Variants in ITGAE observed in about 807,000 individuals in gnomAD.
ITGAE encodes the protein integrin subunit alpha E, also known as integrin alpha-E.
A neutral mutation model predicts 136.5 loss-of-function variants in ITGAE; 99 were observed. The ratio of observed to expected loss-of-function variants is 0.73; its 90% CI spans 0.62 to 0.86. The LOEUF (loss-of-function observed/expected upper bound fraction) is 0.86. Among genes scored for constraint, ITGAE ranks in the 40% least tolerant of loss-of-function variants. The pLI, the probability that ITGAE is intolerant of heterozygous loss-of-function variation, is 0.00. For missense variants in ITGAE, 1,447 were observed against 1,515.3 expected (o/e 0.95, Z 0.75); for synonymous variants, 613 against 591.8 (o/e 1.04, Z -0.52).
At chr17:3,796,108 CCT>C (rs1567565603) in intron 1 of ITGAE, among the ~76,000 whole-genome samples, 8 of 25,066 alleles carry the variant, frequency 3.2e-4, no homozygotes, top group African/African-American at 9.6e-4. Context: ...TGTGTGCATC[CCT>C]GTGTGCATCC....
In ITGAE at chr17:3,753,956, A is replaced by G. The variant is rs774529890; in HGVS notation, c.1385-31T>C. On this transcript the variant is annotated intron_variant, in intron 12 of 30. Transcript: ENST00000263087. ...GCAAGGGTGGTGTGGCTGTGAACAC[A>G]CCGTGTGCTCCCACCTGGCCTCTCT... 8 of 1,604,178 alleles carry G rather than the reference A, an allele frequency of 5.0e-6. No homozygotes were observed. In the South Asian group the frequency reaches 8.8e-5, roughly 18 times the overall value.
intron 2 of ITGAE, among the ~76,000 whole-genome samples, chr17:3,773,363 C>G (rs144474296): frequency 2.6e-5 from 4 of 151,998 alleles, no homozygotes; most frequent in African/African-American, 9.7e-5. Flanking sequence ...TGGTGGCAGG[C>G]GCCTGTAATC....
intron 1 of ITGAE, among the ~76,000 whole-genome samples, chr17:3,800,012 G>A (rs752334032): frequency 1.3e-5 from 2 of 152,118 alleles, no homozygotes; most frequent in Non-Finnish European, 2.9e-5. Flanking sequence ...CCAGCTACTC[G>A]GGAGGCTGAG....
chr17:3,730,774 C>T (rs1567517158), intron 23 of ITGAE, among the ~76,000 whole-genome samples: 1 of 152,176 alleles, frequency 6.6e-6, no homozygotes, highest in Non-Finnish European at 1.5e-5. Context: ...CGTTCCCCAC[C>T]TTACCCCCCA....
intron 26 of ITGAE, chr17:3,726,320 T>A: frequency 6.2e-7 from 1 of 1,609,788 alleles, no homozygotes; most frequent in East Asian, 2.2e-5. Flanking sequence ...GCCAGCACAG[T>A]CTGTTTAAGT....
intron 29 of ITGAE, chr17:3,717,227 C>T (rs1338453108): frequency 6.2e-6 from 1 of 162,150 alleles, no homozygotes; most frequent in African/African-American, 2.4e-5. Flanking sequence ...TCCTTTCCAA[C>T]TCCGTTCTGA....
At chr17:3,797,217 G>C (rs936078521) in intron 1 of ITGAE, among the ~76,000 whole-genome samples, 7 of 141,530 alleles carry the variant, frequency 4.9e-5, no homozygotes, top group African/African-American at 1.6e-4. Flanking sequence ...CCAGGCTGGA[G>C]TGCAGTGGCG....
intron 30 of ITGAE, 24 bp downstream of exon 30, chr17:3,716,664 T>C: frequency 7.4e-7 from 1 of 1,355,900 alleles, no homozygotes; most frequent in Non-Finnish European, 1.1e-6. Flanking sequence ...CTTCCCTCAC[T>C]GTGATGCCAT....
At chr17:3,792,249 G>A (rs1403762406) in intron 1 of ITGAE, among the ~76,000 whole-genome samples, 1 of 152,126 alleles carries the variant, frequency 6.6e-6, no homozygotes, top group East Asian at 1.9e-4. Context: ...GGCCTCCTGA[G>A]TAGCTGGGAT....
At chr17:3,719,599 G>C (rs1487597176) in intron 29 of ITGAE, among the ~76,000 whole-genome samples, 1 of 152,204 alleles carries the variant, frequency 6.6e-6, no homozygotes, top group Non-Finnish European at 1.5e-5. Flanking sequence ...CCAGTATCTA[G>C]TCTAAATCTT....
At chr17:3,724,713 C>T (rs773519652) in intron 26 of ITGAE, 2 of 1,614,140 alleles carry the variant, frequency 1.2e-6, no homozygotes, top group Admixed American at 1.7e-5. Context: ...TTCTGAGTTT[C>T]GGGCAGATGG....
At chr17:3,754,418 T>A (rs1049595226) in intron 12 of ITGAE, among the ~76,000 whole-genome samples, 3 of 152,160 alleles carry the variant, frequency 2.0e-5, no homozygotes, top group Non-Finnish European at 2.9e-5. Context: ...ACTACAGGCA[T>A]CCGCCACCAC....
At chr17:3,771,826 C>T (rs938532687) in intron 2 of ITGAE, among the ~76,000 whole-genome samples, 2 of 152,154 alleles carry the variant, frequency 1.3e-5, no homozygotes, top group African/African-American at 4.8e-5. Flanking sequence ...CGTGAGCCCC[C>T]GCGCCCAGCC....
At chr17:3,763,017 C>T (rs144144935) in intron 3 of ITGAE, among the ~76,000 whole-genome samples, 1 of 152,168 alleles carries the variant, frequency 6.6e-6, no homozygotes, top group African/African-American at 2.4e-5. Flanking sequence ...CTCAGCCTCC[C>T]AAATAGCTGG....
rs777844596 is a variant in ITGAE, at chr17:3,724,846, G to A, written c.3085-1102C>T. 20 of 1,614,076 alleles carry A rather than the reference G, an allele frequency of 1.2e-5. No individual in the cohort carries two copies. In the East Asian group the frequency reaches 4.0e-4, roughly 32 times the overall value. Reference sequence around the variant, plus strand: ...GGCCAGGACTCTTGTCAAGAGAGAGGGCTTCAAGAGGCCGTCCGGAGAGAG... The same window carrying A: ...GGCCAGGACTCTTGTCAAGAGAGAGAGCTTCAAGAGGCCGTCCGGAGAGAG... On this transcript the variant is annotated intron_variant, in intron 26 of 30. Transcript: ENST00000263087.
chr17:3,719,245 A>AG (rs2051001106), intron 29 of ITGAE, among the ~76,000 whole-genome samples: 2 of 145,100 alleles, frequency 1.4e-5, no homozygotes, highest in Non-Finnish European at 3.0e-5. Flanking sequence ...CAAAAAAAAA[A>AG]AAAAAAAAAA....
intron 29 of ITGAE, among the ~76,000 whole-genome samples, chr17:3,718,961 G>A (rs541923187): frequency 6.6e-6 from 1 of 152,222 alleles, no homozygotes; most frequent in African/African-American, 2.4e-5. Context: ...GCCGGACATG[G>A]TGGCTCATGC....
chr17:3,746,197 C>T lies in ITGAE; in HGVS notation c.2156-270G>A, dbSNP rs34416549. Reference sequence around the variant, plus strand: ...CAGCCTTCTTTAGGGAAGGAGGGCTCGGGAAGGGGATCGAGATTGAAGAAG... The same window carrying T: ...CAGCCTTCTTTAGGGAAGGAGGGCTTGGGAAGGGGATCGAGATTGAAGAAG... On this transcript the variant is annotated intron_variant, in intron 17 of 30. Coordinates refer to ENST00000263087, the MANE Select transcript of ITGAE (RefSeq NM_002208.5). 0.072 allele frequency among the ~76,000 whole-genome samples: 10,905 copies of T among 152,086 alleles called. 475 individuals carry two copies. The highest frequency in any genetic ancestry group is 0.11 in the Non-Finnish European group (7,210 of 67,980).
Position 3,745,939 on chromosome 17 carries a change from G to T in ITGAE, c.2156-12C>A, listed in dbSNP as rs767180346. 1.2e-5 allele frequency: 20 copies of T among 1,611,170 alleles called. No homozygotes were observed. Among genetic ancestry groups the T allele is most frequent in the Non-Finnish European group, 1.7e-5 (20 of 1,178,490 alleles). ...TGCCTCGCGGAGGCCTGGGAATGAA[G>T]ACCAGACCTTCCCGATGAGGTGGGG... On this transcript the variant is annotated splice_polypyrimidine_tract_variant and intron_variant, in intron 17 of 30. Coordinates refer to ENST00000263087, the MANE Select transcript of ITGAE (RefSeq NM_002208.5).
Sources: gnomAD v4.1 joint callset for allele counts (sites outside exome capture counted in the v4.1 genomes callset) on GRCh38, gnomAD v4.1.1 for gene constraint, MANE v1.5 for transcripts, NCBI Gene and HGNC (gene_info 2026-07-23, HGNC 2026-07-21) for gene names.